The following COL6A3 variants were observed in gnomAD, a reference collection of about 807,000 sequenced individuals.
COL6A3 encodes collagen alpha-3(VI) chain.
Under a neutral mutation model 274.1 loss-of-function variants are expected in COL6A3, and 137 were observed. The observed-to-expected ratio is 0.50, with a 90% CI of 0.44 to 0.58. COL6A3 has a LOEUF of 0.58. Among genes scored for constraint, COL6A3 ranks in the 20% least tolerant of loss-of-function variants. The probability of loss-of-function intolerance (pLI) is 0.00; values close to 1 mark genes in which losing one functional copy is unlikely to be tolerated. For synonymous variants in COL6A3, 1,650 were observed against 1,650.6 expected, an observed-to-expected ratio of 1.00 and a Z score of 0.01; for missense variants, 3,950 against 4,124.9, an observed-to-expected ratio of 0.96 and a Z score of 1.16.
In COL6A3 at chr2:237,374,279, A is replaced by C; in HGVS notation, c.3679+133T>G. 1 of 1,360,616 alleles carries C rather than the reference A, an allele frequency of 7.3e-7. No individual in the cohort carries two copies. The allele number at this position is 1,360,616 out of a possible 1,614,324, so 84.3% of individuals were successfully genotyped here. A position where few individuals can be genotyped will look rare whatever the true frequency, so the allele number is the denominator to read the frequency against. ...GCCAAAAAGGGCATGTGGGTTCCTA[A>C]ATTTTCCTGTAATTTTAGTTTTCAC... On this transcript the variant is annotated intron_variant, in intron 8 of 43. Coordinates refer to ENST00000295550, the MANE Select transcript of COL6A3 (RefSeq NM_004369.4). The surrounding 1 kb of genome is among the most constrained non-coding windows in gnomAD (Gnocchi z 4.8).
chr2:237,402,485 G>T (rs1301898766), intron 1 of COL6A3, among the ~76,000 whole-genome samples: 1 of 152,116 alleles, frequency 6.6e-6, no homozygotes. Context: ...AATTTAACAG[G>T]AATGATGTAA....
chr2:237,379,242 T>A lies in COL6A3; in HGVS notation c.1898-7A>T. On this transcript the variant is annotated splice_region_variant and splice_polypyrimidine_tract_variant and intron_variant, in intron 5 of 43. Coordinates refer to ENST00000295550, the MANE Select transcript of COL6A3 (RefSeq NM_004369.4). ...TCCCTTTTGTTTGAGTGAACTGCAG[T>A]GAAGCACAGAAAAAAAAGTGAGACA... The A allele has an allele frequency of 6.2e-7, 1 of 1,614,066 alleles. No homozygotes were observed. The highest frequency in any genetic ancestry group is 8.5e-7 in the Non-Finnish European group (1 of 1,179,994).
rs1311536872 is a variant in COL6A3 at position 237,376,767 on chromosome 2, C to T, written c.3070+5G>A. 6.2e-7 allele frequency: 1 copy of T among 1,614,058 alleles called. No individual in the cohort carries two copies. Among genetic ancestry groups the T allele is most frequent in the South Asian group, 1.1e-5 (1 of 91,042 alleles). Reference sequence around the variant, plus strand: ...GGCAGAGCAACTAGCATTTCTCTACCATACCTGGTGCTGGTGCTCCGTTGT... The same window carrying T: ...GGCAGAGCAACTAGCATTTCTCTACTATACCTGGTGCTGGTGCTCCGTTGT... On this transcript the variant is annotated splice_donor_5th_base_variant and intron_variant, in intron 7 of 43. Coordinates refer to ENST00000295550, the MANE Select transcript of COL6A3 (RefSeq NM_004369.4).
At position 237,364,815 on chromosome 2, in the gene COL6A3, G is replaced by A. The variant is rs1041919065; in HGVS notation, c.5839-387C>T. On this transcript the variant is annotated intron_variant, in intron 12 of 43. Transcript: ENST00000295550. This position sits in a 1 kb window ranked among gnomAD's most constrained non-coding sequence, Gnocchi z 4.6. ...GCATTGTGTGTGCATGTGTGTGCACGTGTGTGTGCATGTGTGGGTGTGTGG... is the reference window on the plus strand; with the variant it reads ...GCATTGTGTGTGCATGTGTGTGCACATGTGTGTGCATGTGTGGGTGTGTGG... 1.2e-4 allele frequency among the ~76,000 whole-genome samples: 12 copies of A among 100,544 alleles called. No individual in the cohort carries two copies. The highest frequency in any genetic ancestry group is 2.1e-4 in the Non-Finnish European group (9 of 42,928). The allele number at this position is 100,544 out of a possible 152,430, so 66.0% of individuals were successfully genotyped here. A position where few individuals can be genotyped will look rare whatever the true frequency, so the allele number is the denominator to read the frequency against.
rs114008087 is a variant in COL6A3, at chr2:237,336,205, G to T, written c.8895C>A (p.Thr2965=). Residue 2965 remains threonine, a synonymous_variant, in exon 40 of 44, where the codon ACC becomes ACA. Transcript: ENST00000295550. ...CCTGTGGCCTAGGGACCTCAGGCTTGGTCGCCACTGGTTTTGCAGCAGCAG... is the reference window on the plus strand; with the variant it reads ...CCTGTGGCCTAGGGACCTCAGGCTTTGTCGCCACTGGTTTTGCAGCAGCAG... The part of the protein sequence containing the change: ...PAAAAAKPVA[T]KPEVPRPQAA... The T allele has an allele frequency of 1.9e-6, 3 of 1,613,720 alleles. No individual in the cohort carries two copies. In the African/African-American group the frequency reaches 4.0e-5, roughly 22 times the overall value.
Position 237,361,321 on chromosome 2 carries a change from A to C in COL6A3, c.6157-147T>G, listed in dbSNP as rs1486219769. 2.7e-6 allele frequency: 2 copies of C among 741,714 alleles called. No homozygotes were observed. The highest frequency in any genetic ancestry group is 4.8e-6 in the Non-Finnish European group (2 of 417,150). 45.9% of individuals were successfully genotyped at this position (741,714 alleles called of 1,614,324 possible). The stretch of plus-strand genomic sequence containing the variant: ...TTACTGCTTTTCCCCTCAGTACACC[A>C]TGTCACGATTCTCTCTATCAGGATC... On this transcript the variant is annotated intron_variant, in intron 15 of 43. Transcript: ENST00000295550. The surrounding 1 kb of genome is among the most constrained non-coding windows in gnomAD (Gnocchi z 5.1).
At chr2:237,367,909 G>T (rs1247399460) in intron 10 of COL6A3, among the ~76,000 whole-genome samples, 1 of 152,180 alleles carries the variant, frequency 6.6e-6, no homozygotes, top group East Asian at 1.9e-4. Flanking sequence ...ACAGTGTGAG[G>T]GATGTGAGAT....
chr2:237,387,657 C>T lies in COL6A3; in HGVS notation c.1237G>A (p.Glu413Lys), dbSNP rs1295534024. ...PEFRSFGDLQ[E>K]KLLPYIVGVA... Reference sequence around the variant, plus strand: ...CCAACAATGTACGGCAGTAATTTCTCCTGGAGGTCCCCAAAGCTACGGAAT... The same window carrying T: ...CCAACAATGTACGGCAGTAATTTCTTCTGGAGGTCCCCAAAGCTACGGAAT... The change falls in exon 4 of 44, where the codon GAG becomes AAG. Residue 413 changes from glutamate to lysine, a missense_variant. This residue lies in a region of COL6A3 where 1,934 missense variants were observed against 1,984.3 expected (regional missense o/e 0.97). Coordinates refer to ENST00000295550, the MANE Select transcript of COL6A3 (RefSeq NM_004369.4). 6.2e-7 allele frequency: 1 copy of T among 1,613,812 alleles called. No individual in the cohort carries two copies. Among genetic ancestry groups the T allele is most frequent in the Non-Finnish European group, 8.5e-7 (1 of 1,179,872 alleles).
chr2:237,356,005 G>T (rs951585548), intron 23 of COL6A3, among the ~76,000 whole-genome samples: 3 of 152,250 alleles, frequency 2.0e-5, no homozygotes, highest in Non-Finnish European at 2.9e-5. Context: ...AGCCCAGTGG[G>T]AGGGACACAT....
Position 237,371,506 on chromosome 2 carries a change from G to A in COL6A3, c.4285+226C>T. 1 of 885,834 alleles carries A rather than the reference G, an allele frequency of 1.1e-6. No homozygotes were observed. Among genetic ancestry groups the A allele is most frequent in the Non-Finnish European group, 1.6e-6 (1 of 631,724 alleles). 54.9% of individuals were successfully genotyped at this position (885,834 alleles called of 1,614,324 possible). A position where few individuals can be genotyped will look rare whatever the true frequency, so the allele number is the denominator to read the frequency against. On this transcript the variant is annotated intron_variant, in intron 9 of 43. Transcript: ENST00000295550. The surrounding 1 kb of genome is among the most constrained non-coding windows in gnomAD (Gnocchi z 4.3). ...CTAGCTACTGAGGAGGCTGAAGTGG[G>A]AGGTTGGCTGGATCCCAGAAGGCAG...
intron 5 of COL6A3, among the ~76,000 whole-genome samples, chr2:237,380,596 CAG>C (rs750984766): frequency 1.8e-4 from 27 of 152,180 alleles, no homozygotes; most frequent in Non-Finnish European, 3.4e-4. Context: ...CCAGTAGAAA[CAG>C]AAGAACACAG....
rs2077538227 is a variant in COL6A3, at chr2:237,365,842, C to T, written c.5694G>A (p.Val1898=). Residue 1898 remains valine (V), a synonymous_variant, in exon 12 of 44, where the codon GTG becomes GTA. Transcript: ENST00000295550. ...SVVANTPSGP[V]EAFDFDEYQP... Reference sequence around the variant, plus strand: ...GGTACTCGTCAAAGTCAAAGGCCTCCACCGGGCCCGAGGGCGTGTTGGCCA... The same window carrying T: ...GGTACTCGTCAAAGTCAAAGGCCTCTACCGGGCCCGAGGGCGTGTTGGCCA... 1 of 1,614,076 alleles carries T rather than the reference C, an allele frequency of 6.2e-7. No individual in the cohort carries two copies. Among genetic ancestry groups the T allele is most frequent in the South Asian group, 1.1e-5 (1 of 91,074 alleles).
Position 237,403,795 on chromosome 2 carries a change from T to A in COL6A3, c.-30-6948A>T, listed in dbSNP as rs985301375. On this transcript the variant is annotated intron_variant, in intron 1 of 43. Transcript: ENST00000295550. ...CGACAGGCTGGACTGCCTGTTCTCC[T>A]CCCTCCACTTAGGTTGACCCTACCC... 2.6e-5 allele frequency among the ~76,000 whole-genome samples: 4 copies of A among 151,844 alleles called. No homozygotes were observed. The East Asian group carries it at 7.8e-4, about 29-fold the overall frequency.
intron 42 of COL6A3, 24 bp from the exon 43 acceptor site, chr2:237,325,748 G>A: frequency 6.2e-7 from 1 of 1,605,900 alleles, no homozygotes; most frequent in South Asian, 1.1e-5. Flanking sequence ...ATGAGAAAAG[G>A]ATATTAATGA....
At chr2:237,325,890 C>T (rs1445593202) in intron 42 of COL6A3, 166 bp from the exon 43 acceptor site, 2 of 600,436 alleles carry the variant, frequency 3.3e-6, no homozygotes, top group East Asian at 2.8e-5. Context: ...TTCCTCACTG[C>T]CATATGGACA....
chr2:237,397,911 A>G (rs1312681367), intron 1 of COL6A3, among the ~76,000 whole-genome samples: 1 of 152,244 alleles, frequency 6.6e-6, no homozygotes, highest in East Asian at 1.9e-4. Flanking sequence ...TGTACGCAGC[A>G]ATTTGGAAAT....
rs941055048 is a variant in COL6A3, at chr2:237,367,245, T to C, written c.4942A>G (p.Ile1648Val). ...TGGAAACTGTCCCTCCTGAAGTTGA[T>C]GGAACCATCCAACAGGAACACAATG... Reference protein sequence around the residue: ...ADIVFLLDGSINFRRDSFQEV... With the variant: ...ADIVFLLDGSVNFRRDSFQEV... The change falls in exon 11 of 44, where the codon ATC becomes GTC. Residue 1648 changes from isoleucine (I) to valine (V), a missense_variant. Coordinates refer to ENST00000295550, the MANE Select transcript of COL6A3 (RefSeq NM_004369.4). 1.9e-6 allele frequency: 3 copies of C among 1,613,942 alleles called. No homozygotes were observed. The highest frequency in any genetic ancestry group is 2.5e-6 in the Non-Finnish European group (3 of 1,179,860).
At chr2:237,333,148 A>C (rs926181261) in intron 42 of COL6A3, 26 of 450,736 alleles carry the variant, frequency 5.8e-5, no homozygotes, top group Non-Finnish European at 8.6e-5. Context: ...CAGACCACAA[A>C]TCAACTCGAG....
chr2:237,341,241 A>G, intron 37 of COL6A3, 91 bp from the exon 38 acceptor site: 2 of 1,294,168 alleles, frequency 1.5e-6, no homozygotes, highest in Non-Finnish European at 2.2e-6. Context: ...GGCGATTAAA[A>G]TGATCACATA....
Sources: gnomAD v4.1 joint callset for allele counts (sites outside exome capture counted in the v4.1 genomes callset) on GRCh38, gnomAD v4.1.1 for gene constraint, gnomAD v4.1.1 regional missense constraint, Gnocchi (gnomAD v3.1) non-coding constraint, MANE v1.5 for transcripts, NCBI Gene and HGNC (gene_info 2026-07-23, HGNC 2026-07-21) for gene names.